Variants in MITF observed in about 807,000 individuals in gnomAD.
MITF encodes microphthalmia-associated transcription factor.
MITF carries 17 observed loss-of-function variants against 60.5 expected under a neutral mutation model. The ratio of observed to expected loss-of-function variants is 0.28; its 90% CI spans 0.19 to 0.42. The LOEUF (loss-of-function observed/expected upper bound fraction) is 0.42, where lower values mean the gene tolerates loss of function less well. Among genes scored for constraint, MITF ranks in the 10% least tolerant of loss-of-function variants. MITF has a pLI of 1.00. For missense variants in MITF, 622 were observed against 683.5 expected, an observed-to-expected ratio of 0.91 and a Z score of 1.00; for synonymous variants, 260 against 248.5, an observed-to-expected ratio of 1.05 and a Z score of -0.43.
At chr3:69,888,318 A>C (rs897351447) in intron 2 of MITF, among the ~76,000 whole-genome samples, 1 of 152,088 alleles carries the variant, frequency 6.6e-6, no homozygotes, top group Non-Finnish European at 1.5e-5. Flanking sequence ...ATGGTAGTTC[A>C]GACTGCCTAA....
Position 69,897,257 on chromosome 3 carries a change from G to T in MITF, c.354+17874G>T, listed in dbSNP as rs113331344. Reference sequence around the variant, plus strand: ...TTGGTTTTGGAGGAATGCAGTTGGAGGTGGGGAGGCGATCAAAATGATTTG... The same window carrying T: ...TTGGTTTTGGAGGAATGCAGTTGGATGTGGGGAGGCGATCAAAATGATTTG... On this transcript the variant is annotated intron_variant, in intron 2 of 9. Coordinates refer to ENST00000352241, the MANE Select transcript of MITF (RefSeq NM_001354604.2). Among the ~76,000 whole-genome samples the T allele has an allele frequency of 7.6e-3, 1,163 of 152,296 alleles. 9 individuals carry two copies. The highest frequency in any genetic ancestry group is 0.026 in the African/African-American group (1,090 of 41,548).
chr3:69,941,087 C>G, intron 4 of MITF, 149 bp from the exon 5 acceptor site: 2 of 608,532 alleles, frequency 3.3e-6, no homozygotes, highest in Non-Finnish European at 5.8e-6. Context: ...TACTTCAATA[C>G]TATTTTAGTG....
chr3:69,919,634 C>A (rs902262537), intron 2 of MITF, among the ~76,000 whole-genome samples: 3 of 152,196 alleles, frequency 2.0e-5, no homozygotes, highest in Non-Finnish European at 4.4e-5. Flanking sequence ...CAATGTGCCT[C>A]TTGCCCCATC....
chr3:69,759,876 C>A (rs1334023948), intron 1 of MITF, among the ~76,000 whole-genome samples: 1 of 152,132 alleles, frequency 6.6e-6, no homozygotes, highest in South Asian at 2.1e-4. Flanking sequence ...CTCCTGGGTT[C>A]GTGCCATTCT....
At chr3:69,826,507 A>C (rs539949010) in intron 1 of MITF, among the ~76,000 whole-genome samples, 7 of 152,322 alleles carry the variant, frequency 4.6e-5, no homozygotes, top group African/African-American at 1.4e-4. Flanking sequence ...GGGCATTTAC[A>C]GTGAGGCTAT....
chr3:69,896,842 A>G (rs982448611), intron 2 of MITF, among the ~76,000 whole-genome samples: 8 of 152,188 alleles, frequency 5.3e-5, no homozygotes, highest in African/African-American at 1.7e-4. Flanking sequence ...CTTAATCAGT[A>G]TCAGCTAGTA....
intron 1 of MITF, among the ~76,000 whole-genome samples, chr3:69,864,824 T>C (rs2064082432): frequency 6.6e-6 from 1 of 152,112 alleles, no homozygotes; most frequent in Non-Finnish European, 1.5e-5. Context: ...AGTTCTTACA[T>C]ATGTTGTTAC....
Position 69,837,674 on chromosome 3 carries a change from T to C in MITF, c.105-41460T>C, listed in dbSNP as rs148516663. On this transcript the variant is annotated intron_variant, in intron 1 of 9. Coordinates refer to ENST00000352241, the MANE Select transcript of MITF (RefSeq NM_001354604.2). Reference sequence around the variant, plus strand: ...AAATTCTCTGAATGTCGAAGGATTTTTTTTGTCTGATACCTCATTGGCAGA... The same window carrying C: ...AAATTCTCTGAATGTCGAAGGATTTCTTTTGTCTGATACCTCATTGGCAGA... Among the ~76,000 whole-genome samples, 24 of 152,334 alleles carry C rather than the reference T, an allele frequency of 1.6e-4. 1 individual carries two copies. The East Asian group carries it at 4.4e-3, about 28-fold the overall frequency.
intron 1 of MITF, among the ~76,000 whole-genome samples, chr3:69,746,319 A>G (rs1350844030): frequency 2.0e-5 from 3 of 152,200 alleles, no homozygotes; most frequent in Non-Finnish European, 4.4e-5. Flanking sequence ...AACAGATCAC[A>G]TGTGCTTACT....
chr3:69,957,012 C>G (rs1348971819), intron 8 of MITF, among the ~76,000 whole-genome samples: 1 of 152,152 alleles, frequency 6.6e-6, no homozygotes, highest in Non-Finnish European at 1.5e-5. Flanking sequence ...AACTTGCCTA[C>G]TCTTTGTATG....
At chr3:69,767,879 G>T (rs1261419271) in intron 1 of MITF, among the ~76,000 whole-genome samples, 1 of 152,206 alleles carries the variant, frequency 6.6e-6, no homozygotes, top group East Asian at 1.9e-4. Flanking sequence ...TGATACACAT[G>T]CATCGTTCAG....
chr3:69,960,663 G>C (rs1027430085), intron 9 of MITF, among the ~76,000 whole-genome samples: 7 of 152,158 alleles, frequency 4.6e-5, no homozygotes, highest in African/African-American at 1.7e-4. Context: ...CATAAAGCAA[G>C]GGTTGTCTTT....
intron 2 of MITF, among the ~76,000 whole-genome samples, chr3:69,900,866 A>C (rs142934023): frequency 1.3e-5 from 2 of 152,290 alleles, no homozygotes; most frequent in East Asian, 3.9e-4. Flanking sequence ...AAATTCTTGC[A>C]TTTGTTAACT....
In MITF at chr3:69,939,163, A is replaced by G; in HGVS notation, c.648A>G (p.Ser216=). The change falls in exon 4 of 10, where the codon TCA becomes TCG. Residue 216 remains serine, a synonymous_variant. Coordinates refer to ENST00000352241, the MANE Select transcript of MITF (RefSeq NM_001354604.2). ...AGTGCCCAGGCATGAACACACATTCACGAGCGTCCTGTATGCAGGTACTGA... is the reference window on the plus strand; with the variant it reads ...AGTGCCCAGGCATGAACACACATTCGCGAGCGTCCTGTATGCAGGTACTGA... ...ESECPGMNTH[S]RASCMQMDDV... 6.2e-7 allele frequency: 1 copy of G among 1,614,062 alleles called. No individual in the cohort carries two copies. Among genetic ancestry groups the G allele is most frequent in the Non-Finnish European group, 8.5e-7 (1 of 1,179,970 alleles).
rs537261900 is a variant in MITF at position 69,806,131 on chromosome 3, C to T, written c.104+66430C>T. ...ACAGAATCTCACTCTGTCGCCCAGG[C>T]TGGAGTGCAATGGCATGATCTCGGC... On this transcript the variant is annotated intron_variant, in intron 1 of 9. Transcript: ENST00000352241. 3.4e-4 allele frequency among the ~76,000 whole-genome samples: 52 copies of T among 151,710 alleles called. 1 individual carries two copies. In the South Asian group the frequency reaches 6.1e-3, roughly 18 times the overall value.
chr3:69,788,173 T>C (rs1443753652), intron 1 of MITF, among the ~76,000 whole-genome samples: 1 of 151,734 alleles, frequency 6.6e-6, no homozygotes, highest in Non-Finnish European at 1.5e-5. Context: ...TTAGGGTACA[T>C]GTGCACAATA....
intron 1 of MITF, among the ~76,000 whole-genome samples, chr3:69,777,928 G>A (rs1377646698): frequency 6.6e-6 from 1 of 152,098 alleles, no homozygotes; most frequent in African/African-American, 2.4e-5. Context: ...GGGAGGGAGG[G>A]CATTCTATTC....
At chr3:69,931,165 A>G (rs928511250) in intron 2 of MITF, among the ~76,000 whole-genome samples, 1 of 152,230 alleles carries the variant, frequency 6.6e-6, no homozygotes, top group African/African-American at 2.4e-5. Context: ...CATCTGGTAC[A>G]TGGTAGACAA....
rs1299655356 is a variant in MITF, at chr3:69,910,605, T to C, written c.355-27217T>C. Among the ~76,000 whole-genome samples, 4 of 152,196 alleles carry C rather than the reference T, an allele frequency of 2.6e-5. No homozygotes were observed. The East Asian group carries it at 7.7e-4, about 29-fold the overall frequency. ...CTGCCCAAGACCATAGGAACCCACC[T>C]TTTGCATCAGCATGACCTGGACGTA... On this transcript the variant is annotated intron_variant, in intron 2 of 9. Transcript: ENST00000352241.
Sources: allele counts gnomAD v4.1 joint callset (sites outside exome capture counted in the v4.1 genomes callset), GRCh38; gene constraint gnomAD v4.1.1; transcripts MANE v1.5; gene names NCBI Gene and HGNC (gene_info 2026-07-23, HGNC 2026-07-21).